GALNT18: variants seen among roughly 807,000 people sequenced by gnomAD.
The protein encoded by GALNT18 is polypeptide N-acetylgalactosaminyltransferase 18, also known as GalNAc-transferase 18.
A neutral mutation model predicts 69.5 loss-of-function variants in GALNT18; 44 were observed. The ratio of observed to expected loss-of-function variants is 0.63; its 90% confidence interval spans 0.50 to 0.81. The LOEUF (loss-of-function observed/expected upper bound fraction) is 0.81, where lower values mean the gene tolerates loss of function less well. GALNT18 is among the 40% of genes least tolerant of loss of function. The probability of loss-of-function intolerance (pLI) is 0.00; values close to 1 mark genes in which losing one functional copy is unlikely to be tolerated. For synonymous variants in GALNT18, 364 were observed against 318.2 expected (o/e 1.14, Z -1.53); for missense variants, 715 against 810.0 (o/e 0.88, Z 1.42).
At chr11:11,418,338 C>G (rs912400272) in intron 3 of GALNT18, among the ~76,000 whole-genome samples, 1 of 152,190 alleles carries the variant, frequency 6.6e-6, no homozygotes, top group Non-Finnish European at 1.5e-5. Context: ...ATTAAAGAAG[C>G]CATGTGTAAA....
chr11:11,444,051 C>T lies in GALNT18; in HGVS notation c.428+4693G>A, dbSNP rs80000890. 0.035 allele frequency among the ~76,000 whole-genome samples: 5,297 copies of T among 152,230 alleles called. 106 individuals carry two copies. The highest frequency in any genetic ancestry group is 0.049 in the African/African-American group (2,021 of 41,546). ...ATTCTGCCTATCCATGAAGCCAGGA[C>T]CCCCCAAAGTTCAAAGATCCCAGAT... is the stretch of plus-strand genomic sequence containing the variant. On this transcript the variant is annotated intron_variant, in intron 2 of 10. Coordinates refer to ENST00000227756, the MANE Select transcript of GALNT18 (RefSeq NM_198516.3). The surrounding 1 kb of genome is among the most constrained non-coding windows in gnomAD (Gnocchi z 4.4).
intron 6 of GALNT18, among the ~76,000 whole-genome samples, chr11:11,344,777 G>A (rs1850273293): frequency 6.6e-6 from 1 of 152,136 alleles, no homozygotes; most frequent in Non-Finnish European, 1.5e-5. Flanking sequence ...GGCGGTCAAG[G>A]AAGCAAAGAC....
chr11:11,377,611 A>G lies in GALNT18; in HGVS notation c.780-232T>C, dbSNP rs1029900568. 1.3e-5 allele frequency among the ~76,000 whole-genome samples: 2 copies of G among 151,826 alleles called. No homozygotes were observed. The highest frequency in any genetic ancestry group is 2.9e-5 in the Non-Finnish European group (2 of 67,986). ...CACTCCATTGGCATATCCAGAGCTG[A>G]GCTGAGAGATTCTTATTCCAGCCAA... On this transcript the variant is annotated intron_variant, in intron 4 of 10. Coordinates refer to ENST00000227756, the MANE Select transcript of GALNT18 (RefSeq NM_198516.3). This position sits in a 1 kb window ranked among gnomAD's most constrained non-coding sequence, Gnocchi z 4.6.
At chr11:11,531,787 T>C (rs1210581067) in intron 1 of GALNT18, among the ~76,000 whole-genome samples, 1 of 152,228 alleles carries the variant, frequency 6.6e-6, no homozygotes, top group Non-Finnish European at 1.5e-5. Flanking sequence ...TCTCTCACCC[T>C]CTCTTACTTG....
intron 9 of GALNT18, among the ~76,000 whole-genome samples, chr11:11,321,474 T>C (rs1849837816): frequency 6.6e-6 from 1 of 152,222 alleles, no homozygotes; most frequent in Non-Finnish European, 1.5e-5. Context: ...AAGGTGATGT[T>C]GCAATTGTGT....
At chr11:11,343,481 C>G (rs898182674) in intron 6 of GALNT18, among the ~76,000 whole-genome samples, 8 of 152,194 alleles carry the variant, frequency 5.3e-5, no homozygotes, top group Non-Finnish European at 1.2e-4. Flanking sequence ...ACACTTCCCC[C>G]ACGATGATCA....
At chr11:11,547,269 T>G (rs935383290) in intron 1 of GALNT18, among the ~76,000 whole-genome samples, 2 of 152,072 alleles carry the variant, frequency 1.3e-5, no homozygotes, top group African/African-American at 2.4e-5. Context: ...AGACAGATCT[T>G]TCCTGAAGGC....
chr11:11,294,137 C>CAAAAGG (rs60816661), intron 9 of GALNT18, among the ~76,000 whole-genome samples: 28,726 of 151,920 alleles, frequency 0.19, 3,090 homozygotes, highest in African/African-American at 0.28. Context: ...AAAACAAACC[C>CAAAAGG]AAAAGGAAAA....
Position 11,444,683 on chromosome 11 carries a change from T to C in GALNT18, c.428+4061A>G, listed in dbSNP as rs1855607613. 6.6e-6 allele frequency among the ~76,000 whole-genome samples: 1 copy of C among 152,068 alleles called. No homozygotes were observed. Reference sequence around the variant, plus strand: ...AAAGGAGACAAAGTAAGTGACTAGCTAGAGGTGAGAGAAAGGAGGGTGGGC... The same window carrying C: ...AAAGGAGACAAAGTAAGTGACTAGCCAGAGGTGAGAGAAAGGAGGGTGGGC... On this transcript the variant is annotated intron_variant, in intron 2 of 10. Transcript: ENST00000227756. This position sits in a 1 kb window ranked among gnomAD's most constrained non-coding sequence, Gnocchi z 4.4.
At chr11:11,412,443 C>T (rs148798025) in intron 3 of GALNT18, among the ~76,000 whole-genome samples, 15 of 152,266 alleles carry the variant, frequency 9.9e-5, no homozygotes, top group African/African-American at 1.4e-4. Flanking sequence ...CCCAAGCCAC[C>T]GCTTCACACA....
intron 1 of GALNT18, among the ~76,000 whole-genome samples, chr11:11,528,531 A>C (rs12801856): frequency 0.25 from 37,632 of 152,076 alleles, 5,986 homozygotes; most frequent in Middle Eastern, 0.39. Flanking sequence ...CAGCTTGCAA[A>C]CTCTACAAGG....
intron 3 of GALNT18, among the ~76,000 whole-genome samples, chr11:11,408,036 A>G (rs1033031407): frequency 6.6e-6 from 1 of 152,212 alleles, no homozygotes; most frequent in East Asian, 1.9e-4. Context: ...GAGAGAAATT[A>G]TACAAAACAG....
chr11:11,592,294 G>A lies in GALNT18; in HGVS notation c.235+29065C>T, dbSNP rs1361004630. ...TGAAATGCTAAGAAATTATATGCAC[G>A]GTTACGAAAAAAAATCAAAGATGTT... On this transcript the variant is annotated intron_variant, in intron 1 of 10. Coordinates refer to ENST00000227756, the MANE Select transcript of GALNT18 (RefSeq NM_198516.3). The surrounding 1 kb of genome is among the most constrained non-coding windows in gnomAD (Gnocchi z 5.9). 6.6e-6 allele frequency among the ~76,000 whole-genome samples: 1 copy of A among 152,046 alleles called. No individual in the cohort carries two copies. Among genetic ancestry groups the A allele is most frequent in the East Asian group, 1.9e-4 (1 of 5,196 alleles).
chr11:11,303,506 G>T lies in GALNT18; in HGVS notation c.1513-10313C>A, dbSNP rs531770701. Among the ~76,000 whole-genome samples, 14 of 152,146 alleles carry T rather than the reference G, an allele frequency of 9.2e-5. No individual in the cohort carries two copies. In the East Asian group the frequency reaches 2.5e-3, roughly 27 times the overall value. On this transcript the variant is annotated intron_variant, in intron 9 of 10. Coordinates refer to ENST00000227756, the MANE Select transcript of GALNT18 (RefSeq NM_198516.3). The stretch of plus-strand genomic sequence containing the variant: ...TGACTCAAGACAATGCTGGCCCATG[G>T]CTAGCTATACCTGTGGCCATTATGT...
At chr11:11,408,853 G>A (rs1263120806) in intron 3 of GALNT18, among the ~76,000 whole-genome samples, 1 of 152,152 alleles carries the variant, frequency 6.6e-6, no homozygotes, top group African/African-American at 2.4e-5. Flanking sequence ...GCAGTGCTCT[G>A]CAAAGGAACC....
intron 1 of GALNT18, among the ~76,000 whole-genome samples, chr11:11,547,746 C>T (rs572456841): frequency 2.9e-4 from 44 of 152,304 alleles, no homozygotes; most frequent in African/African-American, 1.0e-3. Flanking sequence ...TTGGGGTGAG[C>T]AATATTAACA....
chr11:11,472,975 G>A (rs2133856404), intron 1 of GALNT18, among the ~76,000 whole-genome samples: 1 of 152,158 alleles, frequency 6.6e-6, no homozygotes, highest in Non-Finnish European at 1.5e-5. Flanking sequence ...CTGGATGAAA[G>A]AGTGAGACCC....
chr11:11,531,902 T>C (rs1857658008), intron 1 of GALNT18, among the ~76,000 whole-genome samples: 2 of 152,214 alleles, frequency 1.3e-5, no homozygotes, highest in African/African-American at 4.8e-5. Flanking sequence ...AGGATGTGTA[T>C]GTGTTTTATG....
At chr11:11,520,163 C>T (rs1857363870) in intron 1 of GALNT18, among the ~76,000 whole-genome samples, 1 of 152,224 alleles carries the variant, frequency 6.6e-6, no homozygotes, top group South Asian at 2.1e-4. Context: ...TACTGCATGC[C>T]CTGCAGGCAC....
Sources: gnomAD v4.1 joint callset for allele counts (sites outside exome capture counted in the v4.1 genomes callset) on GRCh38, gnomAD v4.1.1 for gene constraint, Gnocchi (gnomAD v3.1) non-coding constraint, MANE v1.5 for transcripts, NCBI Gene and HGNC (gene_info 2026-07-23, HGNC 2026-07-21) for gene names.